ERMP1: variants seen among roughly 807,000 people sequenced by gnomAD.
ERMP1 encodes the protein Felix-ina.
A neutral mutation model predicts 92.0 loss-of-function variants in ERMP1; 86 were observed. The ratio of observed to expected loss-of-function variants is 0.93; its 90% CI spans 0.79 to 1.12. The LOEUF is 1.12. Among genes scored for constraint, ERMP1 ranks in the 50% most tolerant of loss-of-function variants. ERMP1 has a pLI of 0.00. For missense variants in ERMP1, 1,342 were observed against 1,116.3 expected (o/e 1.20, Z -2.88); for synonymous variants, 530 against 412.8 (o/e 1.28, Z -3.44).
In ERMP1 at chr9:5,822,983, A is replaced by G. The variant is rs530421635; in HGVS notation, c.874+913T>C. ...ATATCCTTAGAAAAGTTTAATCATA[A>G]AACTAAAACTATTTCTCTGGGCCAG... On this transcript the variant is annotated intron_variant, in intron 4 of 14. Coordinates refer to ENST00000339450, the MANE Select transcript of ERMP1 (RefSeq NM_024896.3). 5.3e-5 allele frequency among the ~76,000 whole-genome samples: 8 copies of G among 152,272 alleles called. No homozygotes were observed. The South Asian group carries it at 1.2e-3, about 24-fold the overall frequency.
intron 6 of ERMP1, among the ~76,000 whole-genome samples, chr9:5,853,789 A>G (rs933709315): frequency 6.7e-6 from 1 of 150,020 alleles, no homozygotes; most frequent in Non-Finnish European, 1.5e-5. Context: ...TTTCAGATTT[A>G]GTAGATCTAG....
chr9:5,849,809 T>C (rs1830283877), intron 6 of ERMP1, among the ~76,000 whole-genome samples: 1 of 152,236 alleles, frequency 6.6e-6, no homozygotes, highest in African/African-American at 2.4e-5. Context: ...TTTAGCTACC[T>C]ACCAGTTGGA....
At chr9:5,824,476 C>G (rs1829660854) in intron 3 of ERMP1, among the ~76,000 whole-genome samples, 1 of 152,186 alleles carries the variant, frequency 6.6e-6, no homozygotes, top group African/African-American at 2.4e-5. Context: ...GATCTCGGAT[C>G]ACCGCAATCT....
chr9:5,851,328 A>AT (rs1281143319), intron 6 of ERMP1, among the ~76,000 whole-genome samples: 1 of 152,004 alleles, frequency 6.6e-6, no homozygotes, highest in Admixed American at 6.6e-5. Flanking sequence ...CTGTTTACCT[A>AT]TTTTTTACAG....
At chr9:5,803,361 T>C (rs1828746659) in intron 10 of ERMP1, among the ~76,000 whole-genome samples, 1 of 152,218 alleles carries the variant, frequency 6.6e-6, no homozygotes, top group South Asian at 2.1e-4. Context: ...CTCCAAAAGC[T>C]TTCCCAATAA....
chr9:5,862,946 CAG>C (rs1193254028), intron 5 of ERMP1, among the ~76,000 whole-genome samples: 1 of 152,190 alleles, frequency 6.6e-6, no homozygotes, highest in Non-Finnish European at 1.5e-5. Flanking sequence ...ATGGAGCAGA[CAG>C]AGATTTATGT....
chr9:5,849,257 G>A lies in ERMP1; in HGVS notation n.3199+10211C>T, dbSNP rs138816919. On this transcript the variant is annotated intron_variant and non_coding_transcript_variant, in intron 6 of 6. Transcript: ENST00000690753. ...AGGAGGGTCTCAATCTCTTGACCTC[G>A]TGATCTGCCCAACTTGGCCTCCCAA... Among the ~76,000 whole-genome samples, 459 of 152,240 alleles carry A rather than the reference G, an allele frequency of 3.0e-3. 6 individuals carry two copies. Among genetic ancestry groups the A allele is most frequent in the African/African-American group, 0.01 (432 of 41,562 alleles).
intron 5 of ERMP1, among the ~76,000 whole-genome samples, chr9:5,861,195 G>GTGTGTGTGTGTA (rs879559901): frequency 0.05 from 5,415 of 107,908 alleles, 125 homozygotes; most frequent in Middle Eastern, 0.15. Context: ...GTGTGTGTGT[G>GTGTGTGTGTGTA]TGTGTGTGTG....
chr9:5,805,214 G>A lies in ERMP1; in HGVS notation c.1727C>T (p.Ala576Val). ...GTAAAAAGCAATAAATTTTCCTTGG[G>A]CACCTAGGGAAAAAGAGAAAAAAAG... Reference protein sequence around the residue: ...CVHKDFKQHGAQGKFIAFYLL... With the variant: ...CVHKDFKQHGVQGKFIAFYLL... The change falls in exon 10 of 15, where the codon GCC becomes GTC. Residue 576 changes from alanine (A) to valine (V), a missense_variant. Transcript: ENST00000339450. 5.0e-6 allele frequency: 8 copies of A among 1,600,314 alleles called. No individual in the cohort carries two copies. Among genetic ancestry groups the A allele is most frequent in the South Asian group, 4.5e-5 (4 of 88,780 alleles).
chr9:5,852,105 T>C (rs963341778), intron 6 of ERMP1, among the ~76,000 whole-genome samples: 3 of 152,196 alleles, frequency 2.0e-5, no homozygotes, highest in African/African-American at 7.2e-5. Context: ...AAAGGTTAAG[T>C]AAATTTCTGC....
intron 6 of ERMP1, among the ~76,000 whole-genome samples, chr9:5,841,973 T>C (rs10975314): frequency 0.13 from 19,732 of 152,100 alleles, 1,312 homozygotes; most frequent in Middle Eastern, 0.15. Context: ...GGAGTTGTTT[T>C]TTCCTCCTGG....
chr9:5,811,639 T>C (rs1196516085), intron 6 of ERMP1, among the ~76,000 whole-genome samples: 1 of 152,234 alleles, frequency 6.6e-6, no homozygotes, highest in Non-Finnish European at 1.5e-5. Context: ...AATTGTACCT[T>C]CATTGTTGAC....
intron 6 of ERMP1, among the ~76,000 whole-genome samples, chr9:5,851,902 G>C (rs1830311381): frequency 1.3e-5 from 2 of 152,100 alleles, no homozygotes; most frequent in South Asian, 4.1e-4. Context: ...GAGAGATTTT[G>C]ATTTCATAAT....
In ERMP1 at chr9:5,798,342, G is replaced by A. The variant is rs187386212; in HGVS notation, c.2271-410C>T. ...AGCAATTCCCCTGCCTCAGCCTCCC[G>A]AGTACCTGGGATTACAGGCATGCAC... On this transcript the variant is annotated intron_variant, in intron 12 of 14. Transcript: ENST00000339450. Among the ~76,000 whole-genome samples, 330 of 151,962 alleles carry A rather than the reference G, an allele frequency of 2.2e-3. 3 individuals carry two copies. The highest frequency in any genetic ancestry group is 7.3e-3 in the African/African-American group (303 of 41,460).
At chr9:5,838,545 A>G (rs1830120841) in intron 6 of ERMP1, among the ~76,000 whole-genome samples, 1 of 152,156 alleles carries the variant, frequency 6.6e-6, no homozygotes, top group South Asian at 2.1e-4. Context: ...AAAAAAAAGA[A>G]GAAGAAGAAG....
intron 6 of ERMP1, among the ~76,000 whole-genome samples, chr9:5,846,036 G>C (rs1830230366): frequency 6.6e-6 from 1 of 152,174 alleles, no homozygotes; most frequent in African/African-American, 2.4e-5. Context: ...GCTACCTGGG[G>C]ATCTGGGTCT....
chr9:5,802,009 G>A (rs180979692), intron 10 of ERMP1, among the ~76,000 whole-genome samples: 2 of 152,272 alleles, frequency 1.3e-5, no homozygotes, highest in Admixed American at 6.5e-5. Flanking sequence ...GGACACACAC[G>A]ACTCACAGAG....
rs759236118 is a variant in ERMP1 at position 5,812,232 on chromosome 9, T to C, written c.1022-15A>G. 2.1e-6 allele frequency: 3 copies of C among 1,442,786 alleles called. No homozygotes were observed. Among genetic ancestry groups the C allele is most frequent in the Admixed American group, 2.2e-5 (1 of 45,130 alleles). The allele number at this position is 1,442,786 out of a possible 1,614,324, so 89.4% of individuals were successfully genotyped here. ...TAAGTCTATTCCTAAAACATATATA[T>C]AGAAAAAAAAAAGTCATTTTGCTTT... is the stretch of plus-strand genomic sequence containing the variant. On this transcript the variant is annotated splice_polypyrimidine_tract_variant and intron_variant, in intron 5 of 14. Coordinates refer to ENST00000339450, the MANE Select transcript of ERMP1 (RefSeq NM_024896.3).
intron 6 of ERMP1, among the ~76,000 whole-genome samples, chr9:5,841,622 A>G (rs1189324436): frequency 6.6e-6 from 1 of 152,142 alleles, no homozygotes; most frequent in Non-Finnish European, 1.5e-5. Context: ...ACATAGTGAA[A>G]CCTGTCTCCA....
Sources: gnomAD v4.1 joint callset for allele counts (sites outside exome capture counted in the v4.1 genomes callset) on GRCh38, gnomAD v4.1.1 for gene constraint, MANE v1.5 for transcripts, NCBI Gene and HGNC (gene_info 2026-07-23, HGNC 2026-07-21) for gene names.